Variants in PDXK observed in about 807,000 individuals in gnomAD.
The protein encoded by PDXK is pyridoxal kinase.
PDXK carries 15 observed loss-of-function variants against 43.2 expected under a neutral mutation model. That is an observed-to-expected ratio of 0.35 (90% CI 0.23 to 0.53). The LOEUF (loss-of-function observed/expected upper bound fraction) is 0.53, where lower values mean the gene tolerates loss of function less well. PDXK is among the 20% of genes least tolerant of loss of function. The pLI, the probability that PDXK is intolerant of heterozygous loss-of-function variation, is 0.92. For synonymous variants in PDXK, 172 were observed against 165.4 expected (o/e 1.04, Z -0.31); for missense variants, 343 against 417.0 (o/e 0.82, Z 1.54).
In PDXK at chr21:43,754,419, C is replaced by T. The variant is rs2083810262; in HGVS notation, c.759+700C>T. Among the ~76,000 whole-genome samples, 1 of 152,138 alleles carries T rather than the reference C, an allele frequency of 6.6e-6. No individual in the cohort carries two copies. On this transcript the variant is annotated intron_variant, in intron 9 of 10. Transcript: ENST00000291565. The surrounding 1 kb of genome is among the most constrained non-coding windows in gnomAD (Gnocchi z 5.5). ...CGGGGACAGAGGAGTTTTGTTGCAA[C>T]TGTGGCGCTCAGATCCGTGACCTCC...
intron 1 of PDXK, among the ~76,000 whole-genome samples, chr21:43,727,243 A>G (rs1471782700): frequency 6.6e-6 from 1 of 152,228 alleles, no homozygotes; most frequent in Non-Finnish European, 1.5e-5. Context: ...CCCAGTTCAC[A>G]GAGTGAGTGA....
rs1042821475 is a variant in PDXK at position 43,758,382 on chromosome 21, TC to T, written c.*2320del. 1.3e-5 allele frequency: 2 copies of T among 153,378 alleles called. No homozygotes were observed. Among genetic ancestry groups the T allele is most frequent in the Non-Finnish European group, 2.9e-5 (2 of 68,054 alleles). The allele number at this position is 153,378 out of a possible 1,614,324, so 9.5% of individuals were successfully genotyped here. ...TGGGCTGCGACTAAGGAGAAAGAAA[TC>T]GGGGGTTTCTGAGAGCAGATGGTGC... On this transcript the variant is annotated 3_prime_UTR_variant, in exon 11 of 11. Coordinates refer to ENST00000291565, the MANE Select transcript of PDXK (RefSeq NM_003681.5).
intron 1 of PDXK, chr21:43,719,766 G>A: frequency 2.0e-6 from 2 of 985,472 alleles, no homozygotes; most frequent in Non-Finnish European, 2.4e-6. Flanking sequence ...GAGGAGTCCC[G>A]GAGCAGTCAC....
At chr21:43,747,770 T>C (rs1016253698) in intron 5 of PDXK, among the ~76,000 whole-genome samples, 35 of 152,242 alleles carry the variant, frequency 2.3e-4, no homozygotes, top group Non-Finnish European at 2.9e-5. Flanking sequence ...TTTGTTTTCC[T>C]GAACAAGAGT....
chr21:43,750,491 G>C lies in PDXK; in HGVS notation c.465-9G>C. The stretch of plus-strand genomic sequence containing the variant: ...TGTCCCCACCCGCCTGTCCCCGCCT[G>C]TCTTCCAGGTTACTGAGTGGCCGGA... On this transcript the variant is annotated splice_polypyrimidine_tract_variant and intron_variant, in intron 6 of 10. Coordinates refer to ENST00000291565, the MANE Select transcript of PDXK (RefSeq NM_003681.5). 1 of 1,611,678 alleles carries C rather than the reference G, an allele frequency of 6.2e-7. No individual in the cohort carries two copies. The highest frequency in any genetic ancestry group is 8.5e-7 in the Non-Finnish European group (1 of 1,178,758).
rs1050388509 is a variant in PDXK, at chr21:43,735,782, G to A, written c.142+1659G>A. On this transcript the variant is annotated intron_variant, in intron 2 of 10. Coordinates refer to ENST00000291565, the MANE Select transcript of PDXK (RefSeq NM_003681.5). This position sits in a 1 kb window ranked among gnomAD's most constrained non-coding sequence, Gnocchi z 5.3. ...TGTGCGGCCTGATCAGGAGGCCCCC[G>A]GGTAGCTTCCCTAAGGCTGTCTCTG... 4.6e-5 allele frequency among the ~76,000 whole-genome samples: 7 copies of A among 152,278 alleles called. No individual in the cohort carries two copies. The highest frequency in any genetic ancestry group is 2.1e-4 in the South Asian group (1 of 4,824).
intron 1 of PDXK, chr21:43,733,775 T>C (rs1345703359): frequency 3.7e-6 from 3 of 820,566 alleles, no homozygotes; most frequent in Non-Finnish European, 5.4e-6. Flanking sequence ...TCTGGAATGA[T>C]GCGTGAAGTG....
At chr21:43,729,083 G>T (rs1342356885) in intron 1 of PDXK, 4 of 839,924 alleles carry the variant, frequency 4.8e-6, no homozygotes, top group Non-Finnish European at 5.4e-6. Context: ...CCGCCCGCCC[G>T]CAATCCTGCC....
In PDXK at chr21:43,756,078, G is replaced by A. The variant is rs562154224; in HGVS notation, c.*15G>A. The A allele has an allele frequency of 3.4e-6, 5 of 1,456,952 alleles. No individual in the cohort carries two copies. Among genetic ancestry groups the A allele is most frequent in the Non-Finnish European group, 3.8e-6 (4 of 1,043,612 alleles). 90.3% of individuals were successfully genotyped at this position (1,456,952 alleles called of 1,614,324 possible). A position where few individuals can be genotyped will look rare whatever the true frequency, so the allele number is the denominator to read the frequency against. The stretch of plus-strand genomic sequence containing the variant: ...CGGTGCTGTGAGGGCCCCGCCGCTT[G>A]CCCGTGACACGCAGCGCGTTGGTGT... On this transcript the variant is annotated 3_prime_UTR_variant, in exon 11 of 11. Transcript: ENST00000291565.
At position 43,755,643 on chromosome 21, in the gene PDXK, G is replaced by A. The variant is rs1000545629; in HGVS notation, c.760-55G>A. The A allele has an allele frequency of 1.7e-5, 24 of 1,378,258 alleles. No homozygotes were observed. The Middle Eastern group carries it at 8.9e-4, about 51-fold the overall frequency. The allele number at this position is 1,378,258 out of a possible 1,614,324, so 85.4% of individuals were successfully genotyped here. On this transcript the variant is annotated intron_variant, in intron 9 of 10. Transcript: ENST00000291565. ...GGAAATCCCCTCCTGGCAGCAGTGG[G>A]CACGTCGGGTGTTGTGAGTGGGCCA...
At chr21:43,740,974 C>G (rs947349635) in intron 2 of PDXK, 1 of 150,116 alleles carries the variant, frequency 6.7e-6, no homozygotes, top group Non-Finnish European at 1.5e-5. Context: ...GAGACTGTGA[C>G]GTTGTGCGGA....
Position 43,737,035 on chromosome 21 carries a change from C to T in PDXK, c.142+2912C>T. ...GCAGCCTTGACCTCCTGGGCTGAAG[C>T]AATCTTTCTGCCTCCACCTCCCGAG... is the stretch of plus-strand genomic sequence containing the variant. On this transcript the variant is annotated intron_variant, in intron 2 of 10. Coordinates refer to ENST00000291565, the MANE Select transcript of PDXK (RefSeq NM_003681.5). The surrounding 1 kb of genome is among the most constrained non-coding windows in gnomAD (Gnocchi z 4.8). 1 of 719,202 alleles carries T rather than the reference C, an allele frequency of 1.4e-6. No individual in the cohort carries two copies. Among genetic ancestry groups the T allele is most frequent in the Non-Finnish European group, 2.5e-6 (1 of 400,100 alleles). 44.6% of individuals were successfully genotyped at this position (719,202 alleles called of 1,614,324 possible).
chr21:43,732,166 C>T lies in PDXK; in HGVS notation c.88-1903C>T, dbSNP rs1368879917. Reference sequence around the variant, plus strand: ...TTCAGTTTCACATTCTTGGTACCTCCTGGTGGTGCCTGGGAGGGAGCCACT... The same window carrying T: ...TTCAGTTTCACATTCTTGGTACCTCTTGGTGGTGCCTGGGAGGGAGCCACT... On this transcript the variant is annotated intron_variant, in intron 1 of 10. Coordinates refer to ENST00000291565, the MANE Select transcript of PDXK (RefSeq NM_003681.5). This position sits in a 1 kb window ranked among gnomAD's most constrained non-coding sequence, Gnocchi z 4.1. The T allele has an allele frequency of 5.7e-5, 80 of 1,407,308 alleles. No individual in the cohort carries two copies. Among genetic ancestry groups the T allele is most frequent in the Non-Finnish European group, 7.4e-5 (80 of 1,084,722 alleles). 87.2% of individuals were successfully genotyped at this position (1,407,308 alleles called of 1,614,324 possible). A position where few individuals can be genotyped will look rare whatever the true frequency, so the allele number is the denominator to read the frequency against.
chr21:43,755,842 G>A, intron 10 of PDXK, 78 bp downstream of exon 10: 1 of 1,471,406 alleles, frequency 6.8e-7, no homozygotes, highest in South Asian at 1.1e-5. Flanking sequence ...GGCACGTGCT[G>A]GTTTTGAAGG....
chr21:43,745,731 T>C (rs557794056), intron 4 of PDXK: 2 of 248,110 alleles, frequency 8.1e-6, no homozygotes, highest in East Asian at 7.6e-5. Flanking sequence ...ATGTGGTTGC[T>C]CACACCTGTG....
Position 43,752,634 on chromosome 21 carries a change from G to A in PDXK, c.622+5G>A. On this transcript the variant is annotated splice_donor_5th_base_variant and intron_variant, in intron 8 of 10. Coordinates refer to ENST00000291565, the MANE Select transcript of PDXK (RefSeq NM_003681.5). ...TGCTGGGGAGTCAGAGGAGGAGTAA[G>A]TGCCCCCATCGTGCACCGTGGCCGC... 3 of 1,570,332 alleles carry A rather than the reference G, an allele frequency of 1.9e-6. No individual in the cohort carries two copies. The highest frequency in any genetic ancestry group is 2.6e-6 in the Non-Finnish European group (3 of 1,141,004).
At chr21:43,736,263 G>A (rs1380873169) in intron 2 of PDXK, among the ~76,000 whole-genome samples, 3 of 152,186 alleles carry the variant, frequency 2.0e-5, no homozygotes, top group Admixed American at 6.5e-5. Context: ...CGGGCCTCCC[G>A]CATTGTAGGG....
At chr21:43,743,912 CCTCCGTGCCCCGCCT>C (rs1490517829) in intron 4 of PDXK, 105 bp downstream of exon 4, 2 of 724,356 alleles carry the variant, frequency 2.8e-6, no homozygotes, top group Non-Finnish European at 4.8e-6. Flanking sequence ...CCTCTGCACG[CCTCCGTGCCCCGCCT>C]CTCCGGGCCA....
At chr21:43,731,195 C>T (rs2083312865) in intron 1 of PDXK, among the ~76,000 whole-genome samples, 1 of 152,196 alleles carries the variant, frequency 6.6e-6, no homozygotes, top group Non-Finnish European at 1.5e-5. Context: ...TTGCATCTGG[C>T]AATCGCGTGG....
Sources: allele counts gnomAD v4.1 joint callset (sites outside exome capture counted in the v4.1 genomes callset), GRCh38; gene constraint gnomAD v4.1.1; non-coding constraint Gnocchi (gnomAD v3.1); transcripts MANE v1.5; gene names NCBI Gene and HGNC (gene_info 2026-07-23, HGNC 2026-07-21).